KHDRBS2: variants seen among roughly 807,000 people sequenced by gnomAD.
KHDRBS2 encodes the protein KH RNA binding domain containing, signal transduction associated 2.
A neutral mutation model predicts 44.3 loss-of-function variants in KHDRBS2; 26 were observed. The observed-to-expected ratio is 0.59, with a 90% CI of 0.43 to 0.81. The LOEUF is 0.81. KHDRBS2 is among the 40% of genes least tolerant of loss of function. The pLI, the probability that KHDRBS2 is intolerant of heterozygous loss-of-function variation, is 0.00. For missense variants in KHDRBS2, 476 were observed against 433.1 expected (o/e 1.10, Z -0.88); for synonymous variants, 194 against 151.1 (o/e 1.28, Z -2.08).
At chr6:61,586,588 A>G in the KHDRBS2 span, among the ~76,000 whole-genome samples, 1 of 152,304 alleles carries the variant, frequency 6.6e-6, no homozygotes, top group Admixed American at 6.5e-5. Context: ...GACTCTATAG[A>G]GGAATTAGAA....
intron 3 of KHDRBS2, among the ~76,000 whole-genome samples, chr6:62,018,297 ATATGTGTGTGTGTGTG>A (rs747394455): frequency 3.3e-4 from 46 of 138,536 alleles, no homozygotes; most frequent in East Asian, 6.2e-4. Context: ...CTATATATAT[ATATGTGTGTGTGTGTG>A]TGTGTGTGTG....
chr6:61,700,350 G>A (rs755136578), intron 7 of KHDRBS2, among the ~76,000 whole-genome samples: 1 of 150,646 alleles, frequency 6.6e-6, no homozygotes, highest in Non-Finnish European at 1.5e-5. Context: ...CACAGTTATT[G>A]TCTATCATAA....
At chr6:61,768,716 G>C (rs1780372419) in intron 6 of KHDRBS2, among the ~76,000 whole-genome samples, 2 of 151,934 alleles carry the variant, frequency 1.3e-5, no homozygotes, top group African/African-American at 2.4e-5. Context: ...CCAGGGTTTG[G>C]GGTAGGAGTA....
At chr6:62,044,130 C>T (rs9454105) in intron 3 of KHDRBS2, among the ~76,000 whole-genome samples, 3,492 of 151,898 alleles carry the variant, frequency 0.023, 135 homozygotes, top group African/African-American at 0.081. Flanking sequence ...AAGTAAAGAT[C>T]GAGTTTAAGA....
intron 1 of KHDRBS2, among the ~76,000 whole-genome samples, chr6:62,246,277 T>C (rs1835560762): frequency 6.6e-6 from 1 of 151,838 alleles, no homozygotes; most frequent in South Asian, 2.1e-4. Flanking sequence ...AGGCAAGTTC[T>C]TTTTAAAGTA....
At chr6:61,630,573 G>A in the KHDRBS2 span, 1 of 152,190 alleles carries the variant, frequency 6.6e-6, no homozygotes, top group Non-Finnish European at 1.5e-5. Flanking sequence ...ATCAAGCATT[G>A]TTATGGCAAT....
intron 2 of KHDRBS2, among the ~76,000 whole-genome samples, chr6:62,107,542 C>T (rs1803747703): frequency 6.6e-6 from 1 of 152,092 alleles, no homozygotes; most frequent in South Asian, 2.1e-4. Flanking sequence ...AGATTCAATG[C>T]CATCCCCATC....
chr6:61,960,820 A>G (rs757734447), intron 4 of KHDRBS2, among the ~76,000 whole-genome samples: 38 of 152,176 alleles, frequency 2.5e-4, no homozygotes, highest in Non-Finnish European at 4.6e-4. Flanking sequence ...TGAGGTAAAG[A>G]GTAGAAGAAT....
intron 2 of KHDRBS2, among the ~76,000 whole-genome samples, chr6:62,099,112 T>A (rs1801286809): frequency 6.6e-6 from 1 of 152,192 alleles, no homozygotes; most frequent in African/African-American, 2.4e-5. Flanking sequence ...TTCTAAGAAA[T>A]TACATCTTCA....
intron 3 of KHDRBS2, among the ~76,000 whole-genome samples, chr6:62,041,329 C>G (rs1786455397): frequency 6.6e-6 from 1 of 151,810 alleles, no homozygotes; most frequent in South Asian, 2.1e-4. Flanking sequence ...GAGACTCCGT[C>G]TCAATAAAAA....
At chr6:61,573,390 T>A in the KHDRBS2 span, among the ~76,000 whole-genome samples, 1 of 152,144 alleles carries the variant, frequency 6.6e-6, no homozygotes, top group African/African-American at 2.4e-5. Context: ...ATGACCATAC[T>A]GCCAAAAGCA....
At chr6:62,273,328 A>G (rs958005347) in intron 1 of KHDRBS2, among the ~76,000 whole-genome samples, 10 of 152,086 alleles carry the variant, frequency 6.6e-5, no homozygotes, top group African/African-American at 2.4e-4. Context: ...TTCATTCTTC[A>G]ACTTGCAGAA....
chr6:61,882,581 C>T (rs1339041784), intron 6 of KHDRBS2, among the ~76,000 whole-genome samples: 5 of 151,934 alleles, frequency 3.3e-5, no homozygotes, highest in Admixed American at 2.0e-4. Context: ...GATTTTCCAT[C>T]GTCAACAATG....
chr6:61,999,089 C>T (rs1343048901), intron 3 of KHDRBS2, among the ~76,000 whole-genome samples: 10 of 151,950 alleles, frequency 6.6e-5, no homozygotes, highest in African/African-American at 2.2e-4. Context: ...TTAAGGCAAA[C>T]TATAAATCAA....
intron 6 of KHDRBS2, among the ~76,000 whole-genome samples, chr6:61,770,818 T>C: frequency 6.6e-6 from 1 of 152,012 alleles, no homozygotes; most frequent in South Asian, 2.1e-4. Context: ...AACATTCAAA[T>C]TCAGGAAATA....
the KHDRBS2 span, among the ~76,000 whole-genome samples, chr6:61,663,118 G>C: frequency 2.6e-5 from 4 of 151,308 alleles, no homozygotes; most frequent in Non-Finnish European, 5.9e-5. Context: ...GATGAAACTG[G>C]AAACCATCAT....
At chr6:61,599,360 A>G in the KHDRBS2 span, among the ~76,000 whole-genome samples, 16 of 152,310 alleles carry the variant, frequency 1.1e-4, no homozygotes, top group African/African-American at 3.6e-4. Context: ...AAATGATTCA[A>G]GCCAATGAGC....
At chr6:62,129,356 A>G (rs187600774) in intron 2 of KHDRBS2, among the ~76,000 whole-genome samples, 325 of 152,278 alleles carry the variant, frequency 2.1e-3, no homozygotes, top group Non-Finnish European at 3.5e-3. Context: ...AGGTACAGAG[A>G]GGAAAGTTCC....
intron 1 of KHDRBS2, among the ~76,000 whole-genome samples, chr6:62,266,699 T>C (rs1002743063): frequency 1.3e-5 from 2 of 151,956 alleles, no homozygotes; most frequent in Admixed American, 1.3e-4. Flanking sequence ...TGGGCCTAAC[T>C]TCAGCCAAAA....
Sources: allele counts gnomAD v4.1 joint callset (sites outside exome capture counted in the v4.1 genomes callset), GRCh38; gene constraint gnomAD v4.1.1; transcripts MANE v1.5; gene names NCBI Gene and HGNC (gene_info 2026-07-23, HGNC 2026-07-21).